The following C21orf58 variants were observed in gnomAD, a reference collection of about 807,000 sequenced individuals.
C21orf58 encodes the protein uncharacterized protein C21orf58.
In C21orf58, 34 loss-of-function variants were observed where a neutral mutation model predicts 35.8. The ratio of observed to expected loss-of-function variants is 0.95; its 90% CI spans 0.72 to 1.26. The LOEUF (loss-of-function observed/expected upper bound fraction) is 1.26. Among genes scored for constraint, C21orf58 ranks in the 50% most tolerant of loss-of-function variants. The probability of loss-of-function intolerance (pLI) is 0.00; values close to 1 mark genes in which losing one functional copy is unlikely to be tolerated. For synonymous variants in C21orf58, 191 were observed against 175.8 expected (o/e 1.09, Z -0.68); for missense variants, 440 against 414.3 (o/e 1.06, Z -0.54).
intron 1 of C21orf58, among the ~76,000 whole-genome samples, chr21:46,320,193 C>T (rs1429797042): frequency 6.6e-6 from 1 of 151,856 alleles, no homozygotes; most frequent in Non-Finnish European, 1.5e-5. Flanking sequence ...ACCTCCGCCT[C>T]CCGGGTTCAA....
In C21orf58 at chr21:46,322,650, C is replaced by A; in HGVS notation, c.89G>T (p.Ser30Ile). The A allele has an allele frequency of 6.3e-7, 1 of 1,591,512 alleles. No homozygotes were observed. Among genetic ancestry groups the A allele is most frequent in the Non-Finnish European group, 8.6e-7 (1 of 1,168,866 alleles). Residue 30 changes from serine (S) to isoleucine (I), a missense_variant, in exon 1 of 8, where the codon AGT (serine) becomes ATT (isoleucine). Physicochemically the swap from Ser to Ile is moderately radical, Grantham distance 142 (BLOSUM62 -2). Coordinates refer to ENST00000291691, the MANE Select transcript of C21orf58 (RefSeq NM_058180.5). ...QKLPSPDSGH[S>I]LLCGWSPGGK... ...GACACCCCGCTCACCACACAGAAGA[C>A]TGTGGCCTGAGTCAGGAGAAGGAAG...
At chr21:46,300,531 G>A (rs2145868398), downstream of C21orf58, 1 of 560,132 alleles carries the variant, frequency 1.8e-6, no homozygotes, top group South Asian at 3.8e-5. Flanking sequence ...CTTTTAACGA[G>A]AGCACAGAGT....
At chr21:46,320,421 T>C (rs2083115422) in intron 1 of C21orf58, among the ~76,000 whole-genome samples, 1 of 142,750 alleles carries the variant, frequency 7.0e-6, no homozygotes, top group African/African-American at 2.6e-5. Flanking sequence ...TTTTAAATTA[T>C]AAGATAGGGC....
At chr21:46,321,971 G>A (rs1187979343) in intron 1 of C21orf58, among the ~76,000 whole-genome samples, 1 of 147,492 alleles carries the variant, frequency 6.8e-6, no homozygotes, top group African/African-American at 2.5e-5. Context: ...TGGTTGCCTG[G>A]CCTTGACAGC....
In C21orf58 at chr21:46,323,864, A is replaced by C; in HGVS notation, c.-1126T>G. On this transcript the variant is annotated 5_prime_UTR_variant, in exon 1 of 8. Coordinates refer to ENST00000291691, the MANE Select transcript of C21orf58 (RefSeq NM_058180.5). ...CGCCCGCGCGGGACCAGCAGCGCGA[A>C]CTTTTTGCCGCTCGGCCAGCCTGGC... 1 of 371,802 alleles carries C rather than the reference A, an allele frequency of 2.7e-6. No individual in the cohort carries two copies. The highest frequency in any genetic ancestry group is 5.1e-6 in the Non-Finnish European group (1 of 196,016). The allele number at this position is 371,802 out of a possible 1,614,324, so 23.0% of individuals were successfully genotyped here. A position where few individuals can be genotyped will look rare whatever the true frequency, so the allele number is the denominator to read the frequency against.
downstream of C21orf58, chr21:46,301,030 G>C: frequency 3.0e-6 from 3 of 1,014,952 alleles, no homozygotes; most frequent in Non-Finnish European, 3.7e-6. Flanking sequence ...ACAGGAACAA[G>C]AGCTGTGCAA....
At chr21:46,318,351 G>T (rs1199329266) in intron 1 of C21orf58, 131 bp from the exon 2 acceptor site, 29 of 1,478,048 alleles carry the variant, frequency 2.0e-5, no homozygotes, top group Non-Finnish European at 2.4e-5. Context: ...AGGTTGCCAG[G>T]TTTCCACTGT....
chr21:46,315,551 G>A lies in C21orf58; in HGVS notation c.371-4C>T. ...TCGTCCGGCCGGTCCTCATTTCCTGGAGGGAAGAACCTGCTTGCTTACCAA... is the reference window on the plus strand; with the variant it reads ...TCGTCCGGCCGGTCCTCATTTCCTGAAGGGAAGAACCTGCTTGCTTACCAA... On this transcript the variant is annotated splice_polypyrimidine_tract_variant and splice_region_variant and intron_variant, in intron 3 of 7. Transcript: ENST00000291691. 6.2e-7 allele frequency: 1 copy of A among 1,603,054 alleles called. No individual in the cohort carries two copies. The highest frequency in any genetic ancestry group is 8.5e-7 in the Non-Finnish European group (1 of 1,170,438).
chr21:46,310,371 C>T (rs1218946771), intron 6 of C21orf58, among the ~76,000 whole-genome samples: 12 of 151,668 alleles, frequency 7.9e-5, no homozygotes, highest in Non-Finnish European at 1.5e-4. Flanking sequence ...CCCAGCTACT[C>T]GAGAGGCTGA....
chr21:46,310,802 ACTCTCT>A (rs199803190), intron 6 of C21orf58, among the ~76,000 whole-genome samples: 19 of 149,298 alleles, frequency 1.3e-4, no homozygotes, highest in Non-Finnish European at 2.7e-4. Flanking sequence ...AAAGTAAGAC[ACTCTCT>A]CTCTCTCTCT....
chr21:46,320,946 A>C (rs1457643610), intron 1 of C21orf58: 1 of 152,254 alleles, frequency 6.6e-6, no homozygotes, highest in African/African-American at 2.4e-5. Flanking sequence ...TGTGACTGCC[A>C]AGTGAATGGG....
At chr21:46,320,301 C>T (rs758196859) in intron 1 of C21orf58, among the ~76,000 whole-genome samples, 3 of 152,096 alleles carry the variant, frequency 2.0e-5, no homozygotes, top group South Asian at 4.2e-4. Flanking sequence ...TGGGGTTTCA[C>T]CATGTTGGCC....
At position 46,314,885 on chromosome 21, in the gene C21orf58, A is replaced by T; in HGVS notation, c.445-5T>A. ...CTCGTCCAGGAGGTGTTGTTCCTGC[A>T]AGGCCGATGCAGAGCTGCTGCACAC... On this transcript the variant is annotated splice_region_variant and splice_polypyrimidine_tract_variant and intron_variant, in intron 4 of 7. Transcript: ENST00000291691. The T allele has an allele frequency of 6.4e-7, 1 of 1,550,458 alleles. No individual in the cohort carries two copies. The highest frequency in any genetic ancestry group is 8.7e-7 in the Non-Finnish European group (1 of 1,146,940).
chr21:46,322,440 T>G (rs929692527), intron 1 of C21orf58, 199 bp downstream of exon 1: 1 of 985,096 alleles, frequency 1.0e-6, no homozygotes, highest in Non-Finnish European at 1.2e-6. Context: ...GTAAATGTAT[T>G]GTAACACGTA....
At position 46,322,687 on chromosome 21, in the gene C21orf58, C is replaced by T; in HGVS notation, c.52G>A (p.Asp18Asn). ...TCAGGAGAAGGAAGTTTCTGGCGGTCGAGCTTCCACGGCTTCCTGAGGGAG... is the reference window on the plus strand; with the variant it reads ...TCAGGAGAAGGAAGTTTCTGGCGGTTGAGCTTCCACGGCTTCCTGAGGGAG... ...ATSLRKPWKL[D>N]RQKLPSPDSG... The change falls in exon 1 of 8, where the codon GAC (aspartate) becomes AAC (asparagine). Residue 18 changes from aspartate (D) to asparagine (N), a missense_variant. By Grantham distance (23) the Asp-to-Asn change is conservative (BLOSUM62 1). Coordinates refer to ENST00000291691, the MANE Select transcript of C21orf58 (RefSeq NM_058180.5). The T allele has an allele frequency of 6.3e-7, 1 of 1,582,936 alleles. No homozygotes were observed. The highest frequency in any genetic ancestry group is 1.7e-4 in the Middle Eastern group (1 of 5,958).
At chr21:46,317,874 TG>T in intron 2 of C21orf58, 137 bp downstream of exon 2, 1 of 877,260 alleles carries the variant, frequency 1.1e-6, no homozygotes, top group Non-Finnish European at 1.7e-6. Context: ...AGTCTGAGGA[TG>T]GGTCCGCTGG....
In C21orf58 at chr21:46,322,878, G is replaced by C. The variant is rs538702849; in HGVS notation, c.-140C>G. Reference sequence around the variant, plus strand: ...CAAGGTGAGCTTGCGTCAGCGAGGAGCCACTCCAGCACGCTCGGGAAGGGC... The same window carrying C: ...CAAGGTGAGCTTGCGTCAGCGAGGACCCACTCCAGCACGCTCGGGAAGGGC... On this transcript the variant is annotated 5_prime_UTR_variant, in exon 1 of 8. Transcript: ENST00000291691. The C allele has an allele frequency of 1.8e-6, 1 of 550,394 alleles. No homozygotes were observed. Among genetic ancestry groups the C allele is most frequent in the East Asian group, 3.3e-5 (1 of 30,674 alleles). 34.1% of individuals were successfully genotyped at this position (550,394 alleles called of 1,614,324 possible).
At chr21:46,309,393 C>G (rs570949568) in intron 6 of C21orf58, among the ~76,000 whole-genome samples, 1 of 147,886 alleles carries the variant, frequency 6.8e-6, no homozygotes, top group Non-Finnish European at 1.5e-5. Flanking sequence ...ACCCGGTGGG[C>G]AGAGGTTGAA....
At chr21:46,315,646 C>A in intron 3 of C21orf58, 99 bp from the exon 4 acceptor site, 1 of 777,518 alleles carries the variant, frequency 1.3e-6, no homozygotes. Flanking sequence ...GAAGGCCCTG[C>A]CTCACCCACA....
Sources: gnomAD v4.1 joint callset for allele counts (sites outside exome capture counted in the v4.1 genomes callset) on GRCh38, gnomAD v4.1.1 for gene constraint, MANE v1.5 for transcripts, NCBI Gene and HGNC (gene_info 2026-07-23, HGNC 2026-07-21) for gene names.